The following CREBBP variants were observed in gnomAD, a reference collection of about 807,000 sequenced individuals.
CREBBP encodes CREB-binding protein.
CREBBP carries 19 observed loss-of-function variants against 265.0 expected under a neutral mutation model. The observed-to-expected ratio is 0.07, with a 90% CI of 0.05 to 0.11. The LOEUF (loss-of-function observed/expected upper bound fraction) is 0.11. Ranked by LOEUF, CREBBP falls within the 10% of genes least tolerant of loss-of-function variation. The probability of loss-of-function intolerance (pLI) is 1.00; values close to 1 mark genes in which losing one functional copy is unlikely to be tolerated. For synonymous variants in CREBBP, 1,457 were observed against 1,223.7 expected (o/e 1.19, Z -3.98); for missense variants, 2,525 against 3,219.0 (o/e 0.78, Z 5.22).
At chr16:3,759,003 T>G (rs746531754) in intron 16 of CREBBP, 31 bp from the exon 17 acceptor site, 39 of 1,523,748 alleles carry the variant, frequency 2.6e-5, no homozygotes, top group Non-Finnish European at 3.5e-5. Context: ...AAAGACACTT[T>G]GTAAAAGGTG....
chr16:3,829,342 G>A lies in CREBBP; in HGVS notation c.799-18563C>T, dbSNP rs143174510. Among the ~76,000 whole-genome samples, 22 of 152,232 alleles carry A rather than the reference G, an allele frequency of 1.4e-4. No individual in the cohort carries two copies. In the East Asian group the frequency reaches 3.3e-3, roughly 23 times the overall value. On this transcript the variant is annotated intron_variant, in intron 2 of 30. Coordinates refer to ENST00000262367, the MANE Select transcript of CREBBP (RefSeq NM_004380.3). The stretch of plus-strand genomic sequence containing the variant: ...AAAGTGTGAAATACACAGTCACTAC[G>A]GGACAACCATTATATATCATAATGT...
chr16:3,739,430 A>G (rs1411923630), intron 25 of CREBBP, 148 bp downstream of exon 25: 1 of 923,376 alleles, frequency 1.1e-6, no homozygotes, highest in Non-Finnish European at 1.7e-6. Flanking sequence ...ATGGAAAACA[A>G]AACTAACTAC....
intron 2 of CREBBP, among the ~76,000 whole-genome samples, chr16:3,811,082 A>G (rs2053930278): frequency 1.3e-5 from 2 of 152,102 alleles, no homozygotes; most frequent in Admixed American, 6.6e-5. Context: ...TCATTTGGAA[A>G]ACAAAACCTT....
intron 1 of CREBBP, among the ~76,000 whole-genome samples, chr16:3,867,872 G>A (rs1021252672): frequency 6.6e-6 from 1 of 152,012 alleles, no homozygotes; most frequent in South Asian, 2.1e-4. Context: ...ATTGCAGTGA[G>A]CTGTGATCAA....
At chr16:3,792,754 G>C (rs2053531458) in intron 4 of CREBBP, among the ~76,000 whole-genome samples, 1 of 152,236 alleles carries the variant, frequency 6.6e-6, no homozygotes, top group Non-Finnish European at 1.5e-5. Flanking sequence ...AAGATTAAAG[G>C]AAAGTACAGC....
chr16:3,750,434 G>A (rs1337496008), intron 20 of CREBBP, among the ~76,000 whole-genome samples: 1 of 152,174 alleles, frequency 6.6e-6, no homozygotes, highest in East Asian at 1.9e-4. Flanking sequence ...GTCACACTGT[G>A]GTAGGGTGGT....
chr16:3,737,773 C>CTTT (rs940748883), intron 26 of CREBBP, among the ~76,000 whole-genome samples: 1 of 150,472 alleles, frequency 6.6e-6, no homozygotes, highest in East Asian at 2.0e-4. Context: ...TTGTATTTTT[C>CTTT]TTTTTTTCTT....
In CREBBP at chr16:3,781,076, C is replaced by T; in HGVS notation, c.1676+128G>A. 4 of 1,035,250 alleles carry T rather than the reference C, an allele frequency of 3.9e-6. No individual in the cohort carries two copies. In the South Asian group the frequency reaches 4.3e-5, roughly 11 times the overall value. 64.1% of individuals were successfully genotyped at this position (1,035,250 alleles called of 1,614,324 possible). A position where few individuals can be genotyped will look rare whatever the true frequency, so the allele number is the denominator to read the frequency against. On this transcript the variant is annotated intron_variant, in intron 7 of 30. Coordinates refer to ENST00000262367, the MANE Select transcript of CREBBP (RefSeq NM_004380.3). ...TTATAATTAAAGAAAAAAAGGAAAA[C>T]AGCATTCACCCCTCACCACCCCATT...
Position 3,850,925 on chromosome 16 carries a change from C to CAAGTGGGAA in CREBBP, c.169_170insTTCCCACTT (p.Gly57delinsValProThrTrp). 1 of 1,614,142 alleles carries CAAGTGGGAA rather than the reference C, an allele frequency of 6.2e-7. No individual in the cohort carries two copies. Among genetic ancestry groups the CAAGTGGGAA allele is most frequent in the Non-Finnish European group, 8.5e-7 (1 of 1,180,032 alleles). The stretch of plus-strand genomic sequence containing the variant: ...GGAAGCAGCATCTGGAACAAGGTTC[C>CAAGTGGGAA]CACTGTTTAAAAGGCCTAATTCTCC... On this transcript the variant is annotated protein_altering_variant, in exon 2 of 31. Coordinates refer to ENST00000262367, the MANE Select transcript of CREBBP (RefSeq NM_004380.3).
chr16:3,842,930 C>G (rs2054592222), intron 2 of CREBBP, among the ~76,000 whole-genome samples: 3 of 133,570 alleles, frequency 2.2e-5, no homozygotes, highest in African/African-American at 8.9e-5. Context: ...CATGCCACTG[C>G]ATTCCAGCCT....
chr16:3,841,244 T>C (rs1466272599), intron 2 of CREBBP, among the ~76,000 whole-genome samples: 1 of 152,038 alleles, frequency 6.6e-6, no homozygotes, highest in Non-Finnish European at 1.5e-5. Flanking sequence ...TTAATTTGAC[T>C]CGAAGCCAAG....
At chr16:3,777,090 C>A (rs1239857762) in intron 11 of CREBBP, among the ~76,000 whole-genome samples, 1 of 151,988 alleles carries the variant, frequency 6.6e-6, no homozygotes, top group Non-Finnish European at 1.5e-5. Context: ...CTCCTGTAAT[C>A]CCAGCACTTT....
At chr16:3,875,900 G>A (rs1428673056) in intron 1 of CREBBP, among the ~76,000 whole-genome samples, 6 of 152,064 alleles carry the variant, frequency 3.9e-5, no homozygotes, top group Admixed American at 3.9e-4. Flanking sequence ...AACCATATTC[G>A]CCACCAGCTT....
intron 16 of CREBBP, among the ~76,000 whole-genome samples, chr16:3,766,311 T>C (rs1596875307): frequency 6.6e-6 from 1 of 152,322 alleles, no homozygotes; most frequent in Admixed American, 6.5e-5. Flanking sequence ...CTGAAAGGGC[T>C]ACGAAAATAC....
In CREBBP at chr16:3,751,672, A is replaced by C. The variant is rs2052477491; in HGVS notation, c.3779+54T>G. ...TTATAGTCATTGGTAAGAGGAAAAAACAATTTAAGGTCACCCTCCCTCACC... is the reference window on the plus strand; with the variant it reads ...TTATAGTCATTGGTAAGAGGAAAAACCAATTTAAGGTCACCCTCCCTCACC... On this transcript the variant is annotated intron_variant, in intron 20 of 30. Coordinates refer to ENST00000262367, the MANE Select transcript of CREBBP (RefSeq NM_004380.3). 3.9e-6 allele frequency: 6 copies of C among 1,553,210 alleles called. No individual in the cohort carries two copies. The Admixed American group carries it at 1.0e-4, about 26-fold the overall frequency.
chr16:3,777,944 C>G (rs1426034364), intron 10 of CREBBP, 67 bp downstream of exon 10: 1 of 1,544,696 alleles, frequency 6.5e-7, no homozygotes, highest in South Asian at 1.1e-5. Flanking sequence ...CTTAGAAATA[C>G]ACCCCAAACA....
intron 23 of CREBBP, chr16:3,741,235 G>C (rs1424093172): frequency 6.2e-6 from 1 of 161,626 alleles, no homozygotes; most frequent in East Asian, 1.8e-4. Context: ...CTTCAGGACA[G>C]AGAACGCCTC....
intron 1 of CREBBP, among the ~76,000 whole-genome samples, chr16:3,868,753 TG>T (rs2055231110): frequency 6.6e-6 from 1 of 152,174 alleles, no homozygotes; most frequent in African/African-American, 2.4e-5. Flanking sequence ...TAGGCCACGG[TG>T]GGCACCACGG....
In CREBBP at chr16:3,823,277, C is replaced by T. The variant is rs554105560; in HGVS notation, c.799-12498G>A. ...ATTCTGAGTGCCCAAAATGGCAAGACGACCCTGTTAGGCTGCACAACTCTA... is the reference window on the plus strand; with the variant it reads ...ATTCTGAGTGCCCAAAATGGCAAGATGACCCTGTTAGGCTGCACAACTCTA... On this transcript the variant is annotated intron_variant, in intron 2 of 30. Coordinates refer to ENST00000262367, the MANE Select transcript of CREBBP (RefSeq NM_004380.3). Among the ~76,000 whole-genome samples the T allele has an allele frequency of 2.0e-4, 30 of 152,282 alleles. No individual in the cohort carries two copies. The East Asian group carries it at 4.4e-3, about 23-fold the overall frequency.
Sources: gnomAD v4.1 joint callset for allele counts (sites outside exome capture counted in the v4.1 genomes callset) on GRCh38, gnomAD v4.1.1 for gene constraint, MANE v1.5 for transcripts, NCBI Gene and HGNC (gene_info 2026-07-23, HGNC 2026-07-21) for gene names.